The following RSPH14 variants were observed in gnomAD, a reference collection of about 807,000 sequenced individuals.
The protein encoded by RSPH14 is rhabdoid tumor deletion region gene 1.
Under a neutral mutation model 26.7 loss-of-function variants are expected in RSPH14, and 20 were observed. The observed-to-expected ratio is 0.75, with a 90% CI of 0.53 to 1.09. The LOEUF (loss-of-function observed/expected upper bound fraction) is 1.09. RSPH14 is among the 50% of genes least tolerant of loss of function. RSPH14 has a pLI of 0.00. For synonymous variants in RSPH14, 177 were observed against 189.3 expected (o/e 0.93, Z 0.53); for missense variants, 449 against 457.2 (o/e 0.98, Z 0.16).
chr22:23,145,511 G>A, upstream of RSPH14: 1 of 1,605,560 alleles, frequency 6.2e-7, no homozygotes, highest in Middle Eastern at 2.1e-4. Context: ...GGCTCAGGCG[G>A]ACCAGGCCGC....
the RSPH14 span, among the ~76,000 whole-genome samples, chr22:23,167,529 T>A: frequency 1.3e-5 from 2 of 152,050 alleles, no homozygotes; most frequent in Admixed American, 6.5e-5. Context: ...CGACTCACAT[T>A]TCAGCCTGGG....
chr22:23,105,037 A>G (rs1215332206), intron 4 of RSPH14, among the ~76,000 whole-genome samples: 1 of 152,230 alleles, frequency 6.6e-6, no homozygotes, highest in Non-Finnish European at 1.5e-5. Context: ...TCCCTGCTTC[A>G]TCACACCTCG....
chr22:23,108,634 C>T (rs1032727345), intron 4 of RSPH14, among the ~76,000 whole-genome samples: 1 of 152,240 alleles, frequency 6.6e-6, no homozygotes, highest in Admixed American at 6.5e-5. Context: ...CAGGAGGTGC[C>T]CTCATGGGGC....
At chr22:23,169,118 G>C in the RSPH14 span, among the ~76,000 whole-genome samples, 1 of 152,220 alleles carries the variant, frequency 6.6e-6, no homozygotes, top group Non-Finnish European at 1.5e-5. Context: ...TGGAGTTCCT[G>C]AGGAGGGGCC....
rs200927041 is a variant in RSPH14, at chr22:23,095,757, G to A, written c.422-31624C>T. On this transcript the variant is annotated intron_variant, in intron 4 of 6. Coordinates refer to ENST00000216036, the MANE Select transcript of RSPH14 (RefSeq NM_014433.3). The stretch of plus-strand genomic sequence containing the variant: ...GCCCGGCGGTCCCGGAGAATTGACC[G>A]CCACCTGCGCTCAGAGAGCCAGCGG... 6.2e-6 allele frequency: 10 copies of A among 1,612,712 alleles called. No individual in the cohort carries two copies. Among genetic ancestry groups the A allele is most frequent in the Non-Finnish European group, 8.5e-6 (10 of 1,179,752 alleles).
At chr22:23,099,880 G>A (rs1245200269) in intron 4 of RSPH14, among the ~76,000 whole-genome samples, 3 of 152,264 alleles carry the variant, frequency 2.0e-5, no homozygotes, top group Non-Finnish European at 4.4e-5. Context: ...AGGCACCTGA[G>A]GGGGTAGGTG....
intron 4 of RSPH14, chr22:23,070,342 G>A (rs1230530924): frequency 3.0e-5 from 4 of 132,918 alleles, no homozygotes; most frequent in Non-Finnish European, 5.1e-5. Flanking sequence ...GGGGCGGGCG[G>A]ACCCGCGGAC....
At chr22:23,118,597 AGCCCCTCTTGAG>A (rs990953326) in intron 4 of RSPH14, among the ~76,000 whole-genome samples, 6 of 152,266 alleles carry the variant, frequency 3.9e-5, no homozygotes, top group Non-Finnish European at 8.8e-5. Context: ...CTGGGGAGTC[AGCCCCTCTTGAG>A]GCCTTGGGCC....
intron 4 of RSPH14, among the ~76,000 whole-genome samples, chr22:23,067,666 C>T (rs1373852119): frequency 6.6e-6 from 1 of 152,184 alleles, no homozygotes; most frequent in Non-Finnish European, 1.5e-5. Flanking sequence ...CCTCTGGTAC[C>T]CTCCATTCTC....
At chr22:23,158,020 C>T in the RSPH14 span, 46 of 1,614,206 alleles carry the variant, frequency 2.8e-5, 1 homozygote, top group African/African-American at 4.4e-4. Flanking sequence ...ACCTCACTGA[C>T]GTGCAGACCC....
At chr22:23,143,027 C>T (rs2070627493), upstream of RSPH14, among the ~76,000 whole-genome samples, 1 of 152,200 alleles carries the variant, frequency 6.6e-6, no homozygotes, top group Non-Finnish European at 1.5e-5. Context: ...TTCCATGAAA[C>T]CTTCCTTCTC....
chr22:23,167,924 C>G, the RSPH14 span, among the ~76,000 whole-genome samples: 1 of 152,036 alleles, frequency 6.6e-6, no homozygotes, highest in African/African-American at 2.4e-5. Flanking sequence ...GTGATCATAG[C>G]TCAGTGCAAC....
At chr22:23,104,857 A>C (rs2069414251) in intron 4 of RSPH14, among the ~76,000 whole-genome samples, 1 of 152,184 alleles carries the variant, frequency 6.6e-6, no homozygotes, top group African/African-American at 2.4e-5. Flanking sequence ...TAGTTTCTGG[A>C]GGGATTGGAA....
chr22:23,066,896 G>C (rs2068224987), intron 4 of RSPH14, among the ~76,000 whole-genome samples: 2 of 152,206 alleles, frequency 1.3e-5, no homozygotes, highest in South Asian at 4.1e-4. Flanking sequence ...CCGGGAAGTG[G>C]GAAAACTAGT....
At chr22:23,073,639 G>C (rs899041886) in intron 4 of RSPH14, among the ~76,000 whole-genome samples, 3 of 152,254 alleles carry the variant, frequency 2.0e-5, no homozygotes, top group Non-Finnish European at 4.4e-5. Context: ...CGCTTCACAG[G>C]ATTGAACCAA....
rs529341865 is a variant in RSPH14, at chr22:23,086,767, T to C, written c.422-22634A>G. ...GAAATGCAGTCATGGGGCTGCAGCATCTGTGGAGCCCACTTCCCACTGGGT... is the reference window on the plus strand; with the variant it reads ...GAAATGCAGTCATGGGGCTGCAGCACCTGTGGAGCCCACTTCCCACTGGGT... On this transcript the variant is annotated intron_variant, in intron 4 of 6. Coordinates refer to ENST00000216036, the MANE Select transcript of RSPH14 (RefSeq NM_014433.3). Among the ~76,000 whole-genome samples the C allele has an allele frequency of 1.5e-3, 228 of 152,302 alleles. 2 individuals carry two copies. The highest frequency in any genetic ancestry group is 5.2e-3 in the African/African-American group (216 of 41,558).
chr22:23,156,023 G>A, the RSPH14 span: 1 of 1,612,160 alleles, frequency 6.2e-7, no homozygotes, highest in Non-Finnish European at 8.5e-7. Context: ...CTACTACCGG[G>A]GTGCCCAGGG....
chr22:23,081,647 C>A (rs2068680375), intron 4 of RSPH14, among the ~76,000 whole-genome samples: 1 of 151,760 alleles, frequency 6.6e-6, no homozygotes, highest in East Asian at 1.9e-4. Flanking sequence ...CATGGCAAAA[C>A]CCTGTCTCTA....
chr22:23,161,463 C>G, the RSPH14 span: 1 of 1,549,214 alleles, frequency 6.5e-7, no homozygotes, highest in Non-Finnish European at 8.9e-7. Context: ...CTACAGGATT[C>G]CTGGTTGATG....
Sources: allele counts gnomAD v4.1 joint callset (sites outside exome capture counted in the v4.1 genomes callset), GRCh38; gene constraint gnomAD v4.1.1; transcripts MANE v1.5; gene names NCBI Gene and HGNC (gene_info 2026-07-23, HGNC 2026-07-21).